The following CEP112 variants were observed in gnomAD, a reference collection of about 807,000 sequenced individuals.
CEP112 encodes centrosomal protein 112.
A neutral mutation model predicts 153.0 loss-of-function variants in CEP112; 127 were observed. The observed-to-expected ratio is 0.83, with a 90% CI of 0.72 to 0.96. CEP112 has a LOEUF of 0.96. Ranked by LOEUF, CEP112 falls within the 40% of genes least tolerant of loss-of-function variation. CEP112 has a pLI of 0.00. For missense variants in CEP112, 1,089 were observed against 1,101.2 expected, an observed-to-expected ratio of 0.99 and a Z score of 0.16; for synonymous variants, 358 against 374.4, an observed-to-expected ratio of 0.96 and a Z score of 0.51.
At chr17:65,887,288 C>T (rs1477109832) in intron 20 of CEP112, among the ~76,000 whole-genome samples, 3 of 152,118 alleles carry the variant, frequency 2.0e-5, no homozygotes, top group Admixed American at 6.5e-5. Flanking sequence ...TAAGTGCCTC[C>T]TCCCAGAAAG....
intron 6 of CEP112, among the ~76,000 whole-genome samples, chr17:66,098,976 T>C (rs567988264): frequency 1.3e-5 from 2 of 152,036 alleles, no homozygotes; most frequent in Non-Finnish European, 2.9e-5. Flanking sequence ...CAAAGAAAAG[T>C]GGCCTACCTT....
At chr17:66,129,891 G>T in intron 5 of CEP112, 68 bp from the exon 6 acceptor site, 1 of 1,013,396 alleles carries the variant, frequency 9.9e-7, no homozygotes, top group Non-Finnish European at 1.5e-6. Context: ...GGAAAAGATG[G>T]AAGAGATAAA....
At chr17:65,777,405 T>C (rs2053742476) in intron 21 of CEP112, among the ~76,000 whole-genome samples, 1 of 152,212 alleles carries the variant, frequency 6.6e-6, no homozygotes, top group Non-Finnish European at 1.5e-5. Flanking sequence ...TTGGCCATAT[T>C]TCCTGACCTT....
intron 19 of CEP112, among the ~76,000 whole-genome samples, chr17:65,920,359 C>CAAAACAAAAAAAAAAA (rs1555713306): frequency 3.4e-5 from 1 of 29,830 alleles, no homozygotes; most frequent in Admixed American, 4.0e-4. Flanking sequence ...AACAAACAAA[C>CAAAACAAAAAAAAAAA]AAAATATATA....
At chr17:65,701,070 T>G (rs1332144214) in intron 23 of CEP112, among the ~76,000 whole-genome samples, 1 of 152,210 alleles carries the variant, frequency 6.6e-6, no homozygotes, top group Admixed American at 6.5e-5. Context: ...AAAATCTGTC[T>G]CAGGAGTTCA....
intron 24 of CEP112, among the ~76,000 whole-genome samples, chr17:65,645,577 TATC>T (rs1249317101): frequency 1.3e-5 from 2 of 152,258 alleles, no homozygotes; most frequent in African/African-American, 4.8e-5. Context: ...TGTTGACTTA[TATC>T]ATCTTTAGAT....
At chr17:66,017,701 A>G (rs1322110858) in intron 16 of CEP112, among the ~76,000 whole-genome samples, 2 of 152,138 alleles carry the variant, frequency 1.3e-5, no homozygotes, top group Non-Finnish European at 2.9e-5. Flanking sequence ...GGTGGGTTAA[A>G]AAAAAAATCC....
intron 21 of CEP112, among the ~76,000 whole-genome samples, chr17:65,786,741 C>A (rs1471597114): frequency 1.3e-5 from 2 of 151,938 alleles, no homozygotes; most frequent in Non-Finnish European, 2.9e-5. Context: ...CATGCACCAC[C>A]ACACCCGACG....
intron 4 of CEP112, among the ~76,000 whole-genome samples, chr17:66,168,166 C>T (rs1246631346): frequency 1.3e-5 from 2 of 151,920 alleles, no homozygotes; most frequent in African/African-American, 4.8e-5. Flanking sequence ...TTTACAAGAA[C>T]GTTTTTAAAT....
At chr17:65,995,297 T>G (rs1181277853) in intron 17 of CEP112, among the ~76,000 whole-genome samples, 1 of 152,062 alleles carries the variant, frequency 6.6e-6, no homozygotes, top group Admixed American at 6.6e-5. Flanking sequence ...AGATTAAAAC[T>G]TCACAAAATG....
At chr17:65,910,501 T>C (rs947687786) in intron 19 of CEP112, among the ~76,000 whole-genome samples, 3 of 151,948 alleles carry the variant, frequency 2.0e-5, no homozygotes, top group Non-Finnish European at 4.4e-5. Context: ...CCAAAAACAA[T>C]TGTAAGAGAA....
chr17:65,844,937 T>C (rs1172689757), intron 21 of CEP112, among the ~76,000 whole-genome samples: 3 of 150,848 alleles, frequency 2.0e-5, no homozygotes, highest in Non-Finnish European at 4.4e-5. Context: ...CGCTTGAACC[T>C]GGGAGGCAGA....
intron 18 of CEP112, among the ~76,000 whole-genome samples, chr17:65,951,140 A>G (rs2061815454): frequency 6.6e-6 from 1 of 152,142 alleles, no homozygotes; most frequent in Non-Finnish European, 1.5e-5. Flanking sequence ...CCGTTTTCCA[A>G]AATCTCATGA....
chr17:65,667,243 C>T (rs577869100), intron 24 of CEP112, among the ~76,000 whole-genome samples: 29 of 152,104 alleles, frequency 1.9e-4, no homozygotes, highest in Non-Finnish European at 3.8e-4. Flanking sequence ...ATGATGGACC[C>T]ACCAAGCCTT....
chr17:65,717,525 T>A (rs990064730), intron 23 of CEP112, among the ~76,000 whole-genome samples: 8 of 152,196 alleles, frequency 5.3e-5, no homozygotes, highest in African/African-American at 1.9e-4. Flanking sequence ...CTCCCTAGCT[T>A]TTGAATCCTA....
intron 24 of CEP112, among the ~76,000 whole-genome samples, chr17:65,669,667 G>A (rs1244019065): frequency 6.6e-6 from 1 of 152,168 alleles, no homozygotes; most frequent in Non-Finnish European, 1.5e-5. Context: ...ACTTTGGGGG[G>A]CCAAGGCGGG....
intron 24 of CEP112, among the ~76,000 whole-genome samples, chr17:65,660,238 CTTTTTTGT>C (rs1567824110): frequency 3.4e-4 from 35 of 101,580 alleles, no homozygotes; most frequent in African/African-American, 1.6e-3. Context: ...CTTCCTTCCT[CTTTTTTGT>C]TTTCTTTCTT....
intron 8 of CEP112, among the ~76,000 whole-genome samples, chr17:66,083,360 T>C (rs1254795195): frequency 1.3e-5 from 2 of 152,182 alleles, no homozygotes; most frequent in African/African-American, 4.8e-5. Flanking sequence ...TGTGAGTCCA[T>C]TAAACCTCTT....
intron 21 of CEP112, among the ~76,000 whole-genome samples, chr17:65,758,136 T>C (rs1254578347): frequency 2.0e-5 from 3 of 152,114 alleles, no homozygotes; most frequent in Non-Finnish European, 2.9e-5. Flanking sequence ...CTCTGCTCTA[T>C]TTTTATTATT....
Sources: gnomAD v4.1 joint callset for allele counts (sites outside exome capture counted in the v4.1 genomes callset) on GRCh38, gnomAD v4.1.1 for gene constraint, MANE v1.5 for transcripts, NCBI Gene and HGNC (gene_info 2026-07-23, HGNC 2026-07-21) for gene names.